Variants in CTNNAL1 observed in about 807,000 individuals in gnomAD.
CTNNAL1 encodes the protein catenin alpha like 1, also known as alpha-catulin.
In CTNNAL1, 69 loss-of-function variants were observed where a neutral mutation model predicts 93.6. The ratio of observed to expected loss-of-function variants is 0.74; its 90% confidence interval spans 0.61 to 0.90. CTNNAL1 has a LOEUF of 0.90. Among genes scored for constraint, CTNNAL1 ranks in the 40% least tolerant of loss-of-function variants. CTNNAL1 has a pLI of 0.00. For synonymous variants in CTNNAL1, 286 were observed against 305.4 expected (o/e 0.94, Z 0.66); for missense variants, 836 against 862.0 (o/e 0.97, Z 0.38).
chr9:109,000,143 C>A (rs1215175243), intron 1 of CTNNAL1, among the ~76,000 whole-genome samples: 1 of 152,110 alleles, frequency 6.6e-6, no homozygotes, highest in Non-Finnish European at 1.5e-5. Flanking sequence ...AATTAATAGA[C>A]CTAGGTTTAA....
rs117598239 is a variant in CTNNAL1 at position 109,001,569 on chromosome 9, G to A, written c.142-2313C>T. On this transcript the variant is annotated intron_variant, in intron 1 of 18. Transcript: ENST00000325551. ...CTTACTCACTCACTCACTCTCTGCA[G>A]GATCAATCACAGTGGGAGCAAGCCA... 1.4e-4 allele frequency among the ~76,000 whole-genome samples: 21 copies of A among 152,296 alleles called. No individual in the cohort carries two copies. In the East Asian group the frequency reaches 3.7e-3, roughly 27 times the overall value.
At chr9:108,984,262 A>C in intron 5 of CTNNAL1, 85 bp downstream of exon 5, 1 of 747,248 alleles carries the variant, frequency 1.3e-6, no homozygotes, top group South Asian at 1.6e-5. Context: ...GATCTTTTTT[A>C]AAATGTAAAT....
chr9:108,981,381 G>GT (rs1419306344), intron 6 of CTNNAL1, among the ~76,000 whole-genome samples: 2 of 151,706 alleles, frequency 1.3e-5, no homozygotes, highest in African/African-American at 4.8e-5. Context: ...AAACCCAGAG[G>GT]TGTAAAGTGA....
chr9:108,957,006 T>A (rs985257544), intron 11 of CTNNAL1, among the ~76,000 whole-genome samples: 60 of 151,760 alleles, frequency 4.0e-4, no homozygotes, highest in African/African-American at 1.4e-3. Flanking sequence ...AAAATATTGA[T>A]TATATACTAA....
At chr9:108,951,793 G>A (rs144560573) in intron 14 of CTNNAL1, among the ~76,000 whole-genome samples, 98 of 152,258 alleles carry the variant, frequency 6.4e-4, no homozygotes, top group African/African-American at 2.2e-3. Context: ...GATTTGGCAC[G>A]CTATTGACAT....
chr9:108,986,092 A>G (rs1266090673), intron 4 of CTNNAL1, among the ~76,000 whole-genome samples: 1 of 151,328 alleles, frequency 6.6e-6, no homozygotes, highest in African/African-American at 2.4e-5. Context: ...TTAGTTACAT[A>G]TGTATACATG....
chr9:108,945,812 G>A (rs1485711907), intron 15 of CTNNAL1, among the ~76,000 whole-genome samples: 2 of 152,084 alleles, frequency 1.3e-5, no homozygotes, highest in Non-Finnish European at 2.9e-5. Context: ...TCCATAGTTG[G>A]TTGAATCTGC....
intron 11 of CTNNAL1, 133 bp from the exon 12 acceptor site, chr9:108,955,960 T>C (rs1416970792): frequency 1.9e-6 from 1 of 534,200 alleles, no homozygotes; most frequent in African/African-American, 2.0e-5. Flanking sequence ...GTCTATTCAT[T>C]ACATAAAATT....
rs1416011375 is a variant in CTNNAL1 at position 108,942,658 on chromosome 9, ATT to A, written c.*109_*110del. On this transcript the variant is annotated 3_prime_UTR_variant, in exon 19 of 19. Coordinates refer to ENST00000325551, the MANE Select transcript of CTNNAL1 (RefSeq NM_003798.4). The stretch of plus-strand genomic sequence containing the variant: ...TCAGAAAATAGAGCAAAATTTCAAT[ATT>A]GTTTTCTTTATAAAATTGATGAATT... 18 of 790,616 alleles carry A rather than the reference ATT, an allele frequency of 2.3e-5. No individual in the cohort carries two copies. The highest frequency in any genetic ancestry group is 2.9e-5 in the Non-Finnish European group (14 of 489,080). 49.0% of individuals were successfully genotyped at this position (790,616 alleles called of 1,614,324 possible). A position where few individuals can be genotyped will look rare whatever the true frequency, so the allele number is the denominator to read the frequency against.
rs1220035978 is a variant in CTNNAL1, at chr9:108,943,750, G to A, written c.2008C>T (p.Leu670Phe). 4 of 1,613,734 alleles carry A rather than the reference G, an allele frequency of 2.5e-6. No homozygotes were observed. The highest frequency in any genetic ancestry group is 3.4e-6 in the Non-Finnish European group (4 of 1,179,884). ...AAAGAAGTCTTAGTTACTGTCTGGA[G>A]CTGGTGGCATAGAGGAATTAGCTTG... Reference protein sequence around the residue: ...INKLIPLCHQLQTVTKTSLQN... With the variant: ...INKLIPLCHQFQTVTKTSLQN... Residue 670 changes from leucine (L) to phenylalanine (F), a missense_variant, in exon 17 of 19, where the codon CTC becomes TTC. Physicochemically the swap from Leu to Phe is conservative, Grantham distance 22. Coordinates refer to ENST00000325551, the MANE Select transcript of CTNNAL1 (RefSeq NM_003798.4).
At chr9:108,979,852 A>C (rs1249606771) in intron 6 of CTNNAL1, among the ~76,000 whole-genome samples, 1 of 152,256 alleles carries the variant, frequency 6.6e-6, no homozygotes, top group Non-Finnish European at 1.5e-5. Flanking sequence ...GATAAGTTAC[A>C]CCCAAATATG....
At chr9:108,953,684 C>T (rs1830622027) in intron 12 of CTNNAL1, among the ~76,000 whole-genome samples, 1 of 152,182 alleles carries the variant, frequency 6.6e-6, no homozygotes, top group East Asian at 1.9e-4. Context: ...AACAAAACAG[C>T]CTCGTGGAGT....
Position 108,965,406 on chromosome 9 carries a change from T to G in CTNNAL1, c.1563A>C (p.Glu521Asp). ...QISDMSTLLREINDVFEGRRG... is the reference protein window; with the variant it reads ...QISDMSTLLRDINDVFEGRRG... ...GTCTTCCTTCAAACACGTCATTGAT[T>G]TCTCTCAGCAGTGTTGACATGTCAC... Residue 521 changes from glutamate (E) to aspartate (D), a missense_variant, in exon 11 of 19, where the codon GAA becomes GAC. By Grantham distance (45) the Glu-to-Asp change is conservative. Coordinates refer to ENST00000325551, the MANE Select transcript of CTNNAL1 (RefSeq NM_003798.4). 1 of 1,544,588 alleles carries G rather than the reference T, an allele frequency of 6.5e-7. No homozygotes were observed. Among genetic ancestry groups the G allele is most frequent in the Non-Finnish European group, 8.7e-7 (1 of 1,144,702 alleles).
chr9:108,998,224 C>A (rs1439467838), intron 2 of CTNNAL1, among the ~76,000 whole-genome samples: 4 of 152,150 alleles, frequency 2.6e-5, no homozygotes, highest in African/African-American at 9.7e-5. Flanking sequence ...GACCTTCCAG[C>A]ATCTAGTAGG....
intron 4 of CTNNAL1, among the ~76,000 whole-genome samples, chr9:108,989,020 G>A (rs1188881815): frequency 1.3e-5 from 2 of 152,146 alleles, no homozygotes; most frequent in Non-Finnish European, 2.9e-5. Context: ...GTAAGTTTCA[G>A]GGGTCCCACA....
At position 108,990,749 on chromosome 9, in the gene CTNNAL1, G is replaced by A. The variant is rs747617059; in HGVS notation, c.616C>T (p.His206Tyr). Residue 206 changes from histidine (H) to tyrosine (Y), a missense_variant, in exon 4 of 19, where the codon CAT becomes TAT. By Grantham distance (83) the His-to-Tyr change is moderately conservative. Coordinates refer to ENST00000325551, the MANE Select transcript of CTNNAL1 (RefSeq NM_003798.4). ...ACATTTTGTCTATCTCCACTCAGAT[G>A]TGCAAACTCCACCATTTCATTTCCA... ...QFGNEMVEFA[H>Y]LSGDRQNDLK... The A allele has an allele frequency of 4.3e-6, 7 of 1,613,534 alleles. No individual in the cohort carries two copies. The highest frequency in any genetic ancestry group is 1.7e-5 in the Admixed American group (1 of 59,926).
At chr9:108,999,927 A>G (rs1239083613) in intron 1 of CTNNAL1, among the ~76,000 whole-genome samples, 1 of 152,244 alleles carries the variant, frequency 6.6e-6, no homozygotes, top group African/African-American at 2.4e-5. Context: ...GGGAACTAGT[A>G]CATGAACTAT....
At chr9:109,002,239 G>A (rs1222411843) in intron 1 of CTNNAL1, among the ~76,000 whole-genome samples, 1 of 152,182 alleles carries the variant, frequency 6.6e-6, no homozygotes, top group Non-Finnish European at 1.5e-5. Context: ...GGTGTCTTCT[G>A]TGTCCTCACA....
chr9:108,972,865 A>ACAT, intron 8 of CTNNAL1, 32 bp from the exon 9 acceptor site: 1 of 219,282 alleles, frequency 4.6e-6, no homozygotes, highest in Non-Finnish European at 6.2e-6. Flanking sequence ...GGGGGGTGGG[A>ACAT]GGGTGGAGAA....
Sources: allele counts gnomAD v4.1 joint callset (sites outside exome capture counted in the v4.1 genomes callset), GRCh38; gene constraint gnomAD v4.1.1; transcripts MANE v1.5; gene names NCBI Gene and HGNC (gene_info 2026-07-23, HGNC 2026-07-21).